Variants in ZNF276 observed in about 807,000 individuals in gnomAD.
ZNF276 encodes the protein zinc finger protein 276, also known as centromere protein Z.
Under a neutral mutation model 63.9 loss-of-function variants are expected in ZNF276, and 59 were observed. The ratio of observed to expected loss-of-function variants is 0.92; its 90% CI spans 0.75 to 1.15. The LOEUF (loss-of-function observed/expected upper bound fraction) is 1.15, where lower values mean the gene tolerates loss of function less well. Among genes scored for constraint, ZNF276 ranks in the 50% most tolerant of loss-of-function variants. ZNF276 has a pLI of 0.00. For synonymous variants in ZNF276, 496 were observed against 348.4 expected (o/e 1.42, Z -4.72); for missense variants, 1,084 against 843.8 (o/e 1.28, Z -3.53).
chr16:89,736,330 A>AGT lies in ZNF276; in HGVS notation c.1475-1476_1475-1475insGT, dbSNP rs2061885734. Among the ~76,000 whole-genome samples the AGT allele has an allele frequency of 4.6e-5, 6 of 130,956 alleles. No individual in the cohort carries two copies. In the East Asian group the frequency reaches 1.5e-3, roughly 33 times the overall value. 85.9% of individuals were successfully genotyped at this position (130,956 alleles called of 152,430 possible). Reference sequence around the variant, plus strand: ...GCATGAGCCACCGTGCCCAGCCCCCAATTTTTTTTTTTTTTTCCGGGACAG... The same window carrying AGT: ...GCATGAGCCACCGTGCCCAGCCCCCAGTATTTTTTTTTTTTTTTCCGGGACAG... On this transcript the variant is annotated intron_variant, in intron 9 of 10. Coordinates refer to ENST00000443381, the MANE Select transcript of ZNF276 (RefSeq NM_001113525.2).
chr16:89,732,674 C>T lies in ZNF276; in HGVS notation c.1170-628C>T, dbSNP rs530846503. On this transcript the variant is annotated intron_variant, in intron 6 of 10. Coordinates refer to ENST00000443381, the MANE Select transcript of ZNF276 (RefSeq NM_001113525.2). The stretch of plus-strand genomic sequence containing the variant: ...ACCCTCCTGTACCCTGCGTCCTCGC[C>T]CTCTGCTGTGCTCACCCGACCCTGC... The T allele has an allele frequency of 2.2e-5, 5 of 224,740 alleles. No homozygotes were observed. The East Asian group carries it at 4.8e-4, about 22-fold the overall frequency. 13.9% of individuals were successfully genotyped at this position (224,740 alleles called of 1,614,324 possible).
At chr16:89,730,499 G>A (rs780350199) in intron 6 of ZNF276, among the ~76,000 whole-genome samples, 45 of 152,172 alleles carry the variant, frequency 3.0e-4, no homozygotes, top group Non-Finnish European at 5.6e-4. Context: ...GGAGGGGAGG[G>A]TCCTCTCTGC....
intron 4 of ZNF276, 40 bp downstream of exon 4, chr16:89,723,749 G>C: frequency 6.4e-7 from 1 of 1,574,706 alleles, no homozygotes. Flanking sequence ...CAGGATGTGT[G>C]CTCCTCAGTG....
intron 6 of ZNF276, 126 bp from the exon 7 acceptor site, chr16:89,733,176 G>A (rs1239488480): frequency 3.4e-6 from 3 of 880,832 alleles, no homozygotes; most frequent in Non-Finnish European, 5.3e-6. Context: ...TAGATTCTGA[G>A]GGTCAGTCAG....
At chr16:89,734,126 CAA>C in intron 9 of ZNF276, 88 bp downstream of exon 9, 1 of 1,284,856 alleles carries the variant, frequency 7.8e-7, no homozygotes, top group Non-Finnish European at 1.1e-6. Flanking sequence ...ATCCCCGCCC[CAA>C]GAGTTGGGGG....
At chr16:89,729,118 A>C in intron 5 of ZNF276, 117 bp from the exon 6 acceptor site, 1 of 820,666 alleles carries the variant, frequency 1.2e-6, no homozygotes, top group Non-Finnish European at 2.0e-6. Flanking sequence ...AGACATTTTC[A>C]GAAGAACTCA....
rs759735114 is a variant in ZNF276 at position 89,738,833 on chromosome 16, T to C, written c.*587T>C. Reference sequence around the variant, plus strand: ...GGCAGGCACATGGCCCAGGCAGCTGTCAATTCTCATGTCCCCCACATGGCC... The same window carrying C: ...GGCAGGCACATGGCCCAGGCAGCTGCCAATTCTCATGTCCCCCACATGGCC... On this transcript the variant is annotated 3_prime_UTR_variant, in exon 11 of 11. Coordinates refer to ENST00000443381, the MANE Select transcript of ZNF276 (RefSeq NM_001113525.2). 5.0e-6 allele frequency: 8 copies of C among 1,614,000 alleles called. No homozygotes were observed. The highest frequency in any genetic ancestry group is 5.9e-6 in the Non-Finnish European group (7 of 1,180,024).
rs760624026 is a variant in ZNF276, at chr16:89,727,286, G to C, written c.1014G>C (p.Leu338Phe). Reference protein sequence around the residue: ...SLPLCRAPGQLGEKQLPSSTS... With the variant: ...SLPLCRAPGQFGEKQLPSSTS... Reference sequence around the variant, plus strand: ...TTGTTCTTTGTTTCTCAGGGCAGTTGGGTGAGAAGCAGCTTCCATCTTCAA... The same window carrying C: ...TTGTTCTTTGTTTCTCAGGGCAGTTCGGTGAGAAGCAGCTTCCATCTTCAA... Residue 338 changes from leucine (L) to phenylalanine (F), a missense_variant, in exon 5 of 11, where the codon TTG becomes TTC. Transcript: ENST00000443381. 6 of 1,614,132 alleles carry C rather than the reference G, an allele frequency of 3.7e-6. No individual in the cohort carries two copies. The highest frequency in any genetic ancestry group is 1.3e-5 in the African/African-American group (1 of 75,050).
rs138900818 is a variant in ZNF276, at chr16:89,727,335, G to A, written c.1063G>A (p.Glu355Lys). The change falls in exon 5 of 11, where the codon GAG (glutamate) becomes AAG (lysine). Residue 355 changes from glutamate to lysine, a missense_variant. Transcript: ENST00000443381. ...AACCTCGGATGATCGGGTAAAAGAC[G>A]AGTTCAGTGACCTTTCTGAGGGGTG... ...SSTSDDRVKD[E>K]FSDLSEGDVL... 16 of 1,613,986 alleles carry A rather than the reference G, an allele frequency of 9.9e-6. No individual in the cohort carries two copies. The Admixed American group carries it at 2.0e-4, about 20-fold the overall frequency.
chr16:89,732,231 C>G (rs2151688466), intron 6 of ZNF276: 1 of 152,348 alleles, frequency 6.6e-6, no homozygotes, highest in African/African-American at 2.4e-5. Flanking sequence ...AGGGACTTGC[C>G]AGACCAACTA....
chr16:89,734,779 G>A (rs1043362330), intron 9 of ZNF276, among the ~76,000 whole-genome samples: 5 of 152,202 alleles, frequency 3.3e-5, no homozygotes, highest in African/African-American at 1.2e-4. Flanking sequence ...TTATGACTGA[G>A]GGTGCTGTCT....
chr16:89,740,743 C>T lies in ZNF276; in HGVS notation c.*2497C>T. On this transcript the variant is annotated 3_prime_UTR_variant, in exon 11 of 11. Coordinates refer to ENST00000443381, the MANE Select transcript of ZNF276 (RefSeq NM_001113525.2). ...AAACCCTGACTTGGAAGCTGGCTGC[C>T]TGGTGCCCCTGCCTGGCCCACAGTG... 1 of 1,457,718 alleles carries T rather than the reference C, an allele frequency of 6.9e-7. No individual in the cohort carries two copies. Among genetic ancestry groups the T allele is most frequent in the Admixed American group, 1.7e-5 (1 of 57,722 alleles). The allele number at this position is 1,457,718 out of a possible 1,614,324, so 90.3% of individuals were successfully genotyped here.
At chr16:89,733,885 C>T (rs761863496) in intron 8 of ZNF276, 36 bp from the exon 9 acceptor site, 13 of 1,599,136 alleles carry the variant, frequency 8.1e-6, no homozygotes, top group South Asian at 1.1e-5. Context: ...GGCCCGGGTG[C>T]GGCTCTGAGG....
chr16:89,730,812 C>A (rs1404667132), intron 6 of ZNF276, among the ~76,000 whole-genome samples: 1 of 152,202 alleles, frequency 6.6e-6, no homozygotes, highest in African/African-American at 2.4e-5. Context: ...CGTGTGCTGC[C>A]TCCCAGTCTT....
In ZNF276 at chr16:89,739,361, G is replaced by A. The variant is rs2151712306; in HGVS notation, c.*1115G>A. On this transcript the variant is annotated 3_prime_UTR_variant, in exon 11 of 11. Transcript: ENST00000443381. ...GTAGCAGGTGATGCCAAGGGATACT[G>A]CTCATCTGTGGAGCAGAGGCACAGA... 6 of 1,598,140 alleles carry A rather than the reference G, an allele frequency of 3.8e-6. No individual in the cohort carries two copies. The highest frequency in any genetic ancestry group is 2.2e-5 in the East Asian group (1 of 44,756).
chr16:89,733,866 G>A (rs937938997), intron 8 of ZNF276, 55 bp from the exon 9 acceptor site: 89 of 1,561,756 alleles, frequency 5.7e-5, no homozygotes, highest in Middle Eastern at 1.7e-4. Flanking sequence ...CTGAGGGCTC[G>A]TGCCATGTGG....
chr16:89,732,847 G>A (rs563274559), intron 6 of ZNF276: 2 of 198,778 alleles, frequency 1.0e-5, no homozygotes, highest in African/African-American at 3.0e-5. Flanking sequence ...CTGCGCCCTT[G>A]CCCTCTGCTG....
chr16:89,739,578 G>C lies in ZNF276; in HGVS notation c.*1332G>C. 1 of 1,550,044 alleles carries C rather than the reference G, an allele frequency of 6.5e-7. No individual in the cohort carries two copies. The highest frequency in any genetic ancestry group is 1.7e-4 in the Middle Eastern group (1 of 5,980). On this transcript the variant is annotated 3_prime_UTR_variant, in exon 11 of 11. Coordinates refer to ENST00000443381, the MANE Select transcript of ZNF276 (RefSeq NM_001113525.2). Reference sequence around the variant, plus strand: ...TCTGCAACACCAAGAAGTGGCTCAGGCAACTCTGGACATCTCTGCCTATTA... The same window carrying C: ...TCTGCAACACCAAGAAGTGGCTCAGCCAACTCTGGACATCTCTGCCTATTA...
chr16:89,726,038 T>C (rs1420004934), intron 4 of ZNF276, among the ~76,000 whole-genome samples: 1 of 152,190 alleles, frequency 6.6e-6, no homozygotes, highest in Non-Finnish European at 1.5e-5. Context: ...TATTTATTGA[T>C]GGAGTCTCAC....
Sources: gnomAD v4.1 joint callset for allele counts (sites outside exome capture counted in the v4.1 genomes callset) on GRCh38, gnomAD v4.1.1 for gene constraint, MANE v1.5 for transcripts, NCBI Gene and HGNC (gene_info 2026-07-23, HGNC 2026-07-21) for gene names.